The following CIT variants were observed in gnomAD, a reference collection of about 807,000 sequenced individuals.
The protein encoded by CIT is citron rho-interacting serine/threonine kinase.
CIT carries 79 observed loss-of-function variants against 272.7 expected under a neutral mutation model. The observed-to-expected ratio is 0.29, with a 90% CI of 0.24 to 0.35. The LOEUF (loss-of-function observed/expected upper bound fraction) is 0.35. CIT is among the 10% of genes least tolerant of loss of function. The pLI, the probability that CIT is intolerant of heterozygous loss-of-function variation, is 1.00. For synonymous variants in CIT, 948 were observed against 995.6 expected, an observed-to-expected ratio of 0.95 and a Z score of 0.90; for missense variants, 1,909 against 2,618.3, an observed-to-expected ratio of 0.73 and a Z score of 5.91.
chr12:119,758,496 C>T (rs1157460164), intron 21 of CIT, 95 bp downstream of exon 21: 2 of 798,586 alleles, frequency 2.5e-6, no homozygotes, highest in Non-Finnish European at 4.4e-6. Flanking sequence ...TCATTCAATC[C>T]ACTCCAGCTC....
At chr12:119,750,776 G>A (rs1013714031) in intron 23 of CIT, among the ~76,000 whole-genome samples, 1 of 151,806 alleles carries the variant, frequency 6.6e-6, no homozygotes, top group African/African-American at 2.4e-5. Flanking sequence ...TAGATAGATA[G>A]ATAGATAGAT....
At position 119,784,787 on chromosome 12, in the gene CIT, C is replaced by T. The variant is rs770844006; in HGVS notation, c.1401+173G>A. On this transcript the variant is annotated intron_variant, in intron 11 of 47. Transcript: ENST00000392521. The surrounding 1 kb of genome is among the most constrained non-coding windows in gnomAD (Gnocchi z 4.7). ...AAGGATTTACAGCAACAGCAAGGCC[C>T]GAATTCATCTCCCTCTGAGCTGCTG... 1.3e-5 allele frequency: 19 copies of T among 1,429,684 alleles called. No individual in the cohort carries two copies. In the Admixed American group the frequency reaches 2.9e-4, roughly 22 times the overall value. The allele number at this position is 1,429,684 out of a possible 1,614,324, so 88.6% of individuals were successfully genotyped here.
chr12:119,748,032 C>T (rs937209035), intron 23 of CIT, among the ~76,000 whole-genome samples: 2 of 151,984 alleles, frequency 1.3e-5, no homozygotes, highest in South Asian at 2.1e-4. Flanking sequence ...AGGTGGGTGG[C>T]GAGCACCTAT....
At chr12:119,704,315 G>T in intron 41 of CIT, 48 bp downstream of exon 41, 1 of 1,542,302 alleles carries the variant, frequency 6.5e-7, no homozygotes, top group Non-Finnish European at 9.0e-7. Flanking sequence ...CGCTGAGAGA[G>T]CAGGACTGGC....
At chr12:119,744,884 G>A (rs1356036798) in intron 23 of CIT, among the ~76,000 whole-genome samples, 4 of 151,932 alleles carry the variant, frequency 2.6e-5, no homozygotes, top group African/African-American at 9.7e-5. Flanking sequence ...TAGAAACAAA[G>A]AAGTAGAAGA....
intron 46 of CIT, among the ~76,000 whole-genome samples, chr12:119,695,727 C>G (rs574498304): frequency 6.6e-6 from 1 of 152,056 alleles, no homozygotes; most frequent in Non-Finnish European, 1.5e-5. Context: ...GCCCAGAGGT[C>G]GAGGCTGCAG....
chr12:119,690,198 G>A lies in CIT; in HGVS notation c.6139C>T (p.Arg2047Trp), dbSNP rs1300410816. The A allele has an allele frequency of 6.0e-6, 9 of 1,493,352 alleles. No homozygotes were observed. The highest frequency in any genetic ancestry group is 8.0e-6 in the Non-Finnish European group (9 of 1,131,406). 92.5% of individuals were successfully genotyped at this position (1,493,352 alleles called of 1,614,324 possible). ...GTCCTCACGGCTCCCGCAGGCAGCC[G>A]GCCCCTGCTGCTGTCTTCAAACAGC... ...GRLFEDSSRGRLPAGAVRTPL... is the reference protein window; with the variant it reads ...GRLFEDSSRGWLPAGAVRTPL... Residue 2047 changes from arginine (R) to tryptophan (W), a missense_variant, in exon 47 of 48, where the codon CGG becomes TGG. Coordinates refer to ENST00000392521, the MANE Select transcript of CIT (RefSeq NM_001206999.2). The surrounding 1 kb of genome is among the most constrained non-coding windows in gnomAD (Gnocchi z 6.0).
In CIT at chr12:119,784,237, C is replaced by G. The variant is rs745850985; in HGVS notation, c.1402-186G>C. 11 of 1,594,440 alleles carry G rather than the reference C, an allele frequency of 6.9e-6. No homozygotes were observed. The highest frequency in any genetic ancestry group is 5.1e-6 in the Non-Finnish European group (6 of 1,168,280). ...CACAGTTCTTCGTTAAGGACAGTCA[C>G]CAAATGCTAAGTCACTCCTCTCATT... On this transcript the variant is annotated intron_variant, in intron 11 of 47. Transcript: ENST00000392521. The surrounding 1 kb of genome is among the most constrained non-coding windows in gnomAD (Gnocchi z 4.7).
intron 21 of CIT, 66 bp from the exon 22 acceptor site, chr12:119,757,611 G>A (rs559519298): frequency 4.2e-5 from 67 of 1,592,350 alleles, no homozygotes; most frequent in African/African-American, 1.3e-4. Flanking sequence ...CCGTTTCCAC[G>A]GGAGGTAGAC....
chr12:119,760,805 T>A, intron 20 of CIT, 134 bp downstream of exon 20: 1 of 696,556 alleles, frequency 1.4e-6, no homozygotes, highest in Non-Finnish European at 2.5e-6. Context: ...AGAGAAAGCC[T>A]CCTATTACCA....
intron 3 of CIT, among the ~76,000 whole-genome samples, chr12:119,863,201 C>CGAA (rs1301019400): frequency 4.9e-4 from 20 of 40,516 alleles, no homozygotes; most frequent in African/African-American, 1.6e-3. Flanking sequence ...GACTCTGTAT[C>CGAA]AAAAAAAAAA....
At chr12:119,700,671 G>T in intron 44 of CIT, 74 bp downstream of exon 44, 1 of 1,248,758 alleles carries the variant, frequency 8.0e-7, no homozygotes, top group Non-Finnish European at 1.2e-6. Flanking sequence ...GTGAGCCACC[G>T]CACCCGGATG....
chr12:119,843,902 G>A (rs1194331930), intron 5 of CIT, among the ~76,000 whole-genome samples: 1 of 152,048 alleles, frequency 6.6e-6, no homozygotes, highest in African/African-American at 2.4e-5. Context: ...CCAATAGATA[G>A]GATGGAATTT....
rs781674417 is a variant in CIT at position 119,834,210 on chromosome 12, C to T, written c.535G>A (p.Gly179Arg). ...TTCAAAAGTGACAGCAAGTCCCCTCCAGGCTGATATTCCATGACCTGTATA... is the reference window on the plus strand; with the variant it reads ...TTCAAAAGTGACAGCAAGTCCCCTCTAGGCTGATATTCCATGACCTGTATA... The part of the protein sequence containing the change: ...HLYLVMEYQP[G>R]GDLLSLLNRY... Residue 179 changes from glycine to arginine, a missense_variant, in exon 6 of 48, where the codon GGA becomes AGA. By Grantham distance (125) the Gly-to-Arg change is moderately radical (BLOSUM62 -2). Around this residue, in one of 8 missense-constraint regions of CIT, gnomAD observed 529 missense variants for 549.6 expected, o/e 0.96. Coordinates refer to ENST00000392521, the MANE Select transcript of CIT (RefSeq NM_001206999.2). 6 of 1,611,866 alleles carry T rather than the reference C, an allele frequency of 3.7e-6. No individual in the cohort carries two copies. Among genetic ancestry groups the T allele is most frequent in the Non-Finnish European group, 4.2e-6 (5 of 1,179,292 alleles).
intron 9 of CIT, among the ~76,000 whole-genome samples, chr12:119,805,959 A>G (rs1015566081): frequency 2.6e-5 from 4 of 151,864 alleles, no homozygotes; most frequent in Non-Finnish European, 4.4e-5. Flanking sequence ...ACATGGTAAA[A>G]CCCCATCTCT....
intron 32 of CIT, among the ~76,000 whole-genome samples, chr12:119,717,838 C>CTTCTTTTTTTTTTTTTTTTTTT (rs1957600385): frequency 1.2e-5 from 1 of 81,332 alleles, no homozygotes; most frequent in African/African-American, 5.0e-5. Flanking sequence ...TGACTTCTTT[C>CTTCTTTTTTTTTTTTTTTTTTT]TTTTTTTTTT....
rs545315282 is a variant in CIT, at chr12:119,804,413, C to G, written c.1112-1024G>C. The G allele has an allele frequency of 6.1e-6, 6 of 985,636 alleles. No individual in the cohort carries two copies. The highest frequency in any genetic ancestry group is 1.7e-5 in the African/African-American group (1 of 57,258). 61.1% of individuals were successfully genotyped at this position (985,636 alleles called of 1,614,324 possible). On this transcript the variant is annotated intron_variant, in intron 9 of 47. Coordinates refer to ENST00000392521, the MANE Select transcript of CIT (RefSeq NM_001206999.2). The surrounding 1 kb of genome is among the most constrained non-coding windows in gnomAD (Gnocchi z 5.3). ...CCCCCGCAGTGCAGGCTGCATGCTCCCGGCTCCGTGCGTGCGTGCTCTGGC... is the reference window on the plus strand; with the variant it reads ...CCCCCGCAGTGCAGGCTGCATGCTCGCGGCTCCGTGCGTGCGTGCTCTGGC...
intron 5 of CIT, among the ~76,000 whole-genome samples, chr12:119,849,007 C>G (rs147062306): frequency 1.4e-3 from 207 of 151,826 alleles, no homozygotes; most frequent in African/African-American, 4.5e-3. Flanking sequence ...GAGACCTGGT[C>G]TCAAAAAAAG....
At chr12:119,796,986 A>G (rs1307918607) in intron 10 of CIT, among the ~76,000 whole-genome samples, 2 of 152,214 alleles carry the variant, frequency 1.3e-5, no homozygotes, top group South Asian at 2.1e-4. Context: ...GAAGAGGTGG[A>G]AAAAAGAGGT....
Sources: allele counts gnomAD v4.1 joint callset (sites outside exome capture counted in the v4.1 genomes callset), GRCh38; gene constraint gnomAD v4.1.1; regional missense constraint gnomAD v4.1.1; non-coding constraint Gnocchi (gnomAD v3.1); transcripts MANE v1.5; gene names NCBI Gene and HGNC (gene_info 2026-07-23, HGNC 2026-07-21).